DCC: variants seen among roughly 807,000 people sequenced by gnomAD.
DCC encodes DCC netrin 1 receptor.
In DCC, 58 loss-of-function variants were observed where a neutral mutation model predicts 172.5. The observed-to-expected ratio is 0.34, with a 90% CI of 0.27 to 0.42. DCC has a LOEUF of 0.42. Among genes scored for constraint, DCC ranks in the 10% least tolerant of loss-of-function variants. The pLI, the probability that DCC is intolerant of heterozygous loss-of-function variation, is 1.00. For missense variants in DCC, 1,740 were observed against 1,791.0 expected, an observed-to-expected ratio of 0.97 and a Z score of 0.51; for synonymous variants, 709 against 644.5, an observed-to-expected ratio of 1.10 and a Z score of -1.52.
At chr18:53,065,417 T>C (rs1223174805) in intron 6 of DCC, among the ~76,000 whole-genome samples, 2 of 152,184 alleles carry the variant, frequency 1.3e-5, no homozygotes, top group African/African-American at 4.8e-5. Flanking sequence ...AAGGAGTTAA[T>C]GTTGCTGTAT....
rs757787508 is a variant in DCC, at chr18:52,340,257, G to C, written c.-531G>C. 21 of 191,152 alleles carry C rather than the reference G, an allele frequency of 1.1e-4. No homozygotes were observed. The highest frequency in any genetic ancestry group is 2.1e-4 in the Non-Finnish European group (19 of 90,558). The allele number at this position is 191,152 out of a possible 1,614,324, so 11.8% of individuals were successfully genotyped here. Reference sequence around the variant, plus strand: ...AGCGCTCCACCCCGCAGTCCCCCCCGCCTCTCCTCCCTGGGTCCCCTCGGC... The same window carrying C: ...AGCGCTCCACCCCGCAGTCCCCCCCCCCTCTCCTCCCTGGGTCCCCTCGGC... On this transcript the variant is annotated 5_prime_UTR_variant, in exon 1 of 29. Transcript: ENST00000442544.
chr18:52,951,479 T>G (rs758440162), intron 5 of DCC, among the ~76,000 whole-genome samples: 3 of 152,044 alleles, frequency 2.0e-5, no homozygotes, highest in African/African-American at 7.3e-5. Flanking sequence ...TTCTCCTCCC[T>G]GTGTCCCTGT....
intron 1 of DCC, among the ~76,000 whole-genome samples, chr18:52,544,479 A>T (rs1470574736): frequency 1.3e-5 from 2 of 150,484 alleles, no homozygotes; most frequent in African/African-American, 4.9e-5. Context: ...ACCACAAGAC[A>T]TTCCTTCCCT....
At chr18:53,348,629 C>A (rs1037745740) in intron 15 of DCC, among the ~76,000 whole-genome samples, 4 of 152,180 alleles carry the variant, frequency 2.6e-5, no homozygotes, top group Admixed American at 2.0e-4. Context: ...CAGAGGTTCT[C>A]CACTGCCAGA....
chr18:53,132,878 C>A (rs1467958498), intron 7 of DCC, among the ~76,000 whole-genome samples: 1 of 152,146 alleles, frequency 6.6e-6, no homozygotes, highest in Non-Finnish European at 1.5e-5. Context: ...TGTGAGACTT[C>A]ATTTCCTTTA....
At chr18:52,520,326 A>G (rs1453452147) in intron 1 of DCC, among the ~76,000 whole-genome samples, 2 of 152,244 alleles carry the variant, frequency 1.3e-5, no homozygotes, top group Admixed American at 6.5e-5. Flanking sequence ...ACCCTGTAGC[A>G]TAAGTGGTTA....
At chr18:53,323,828 T>G (rs1239575964) in intron 14 of DCC, among the ~76,000 whole-genome samples, 1 of 151,858 alleles carries the variant, frequency 6.6e-6, no homozygotes, top group Non-Finnish European at 1.5e-5. Flanking sequence ...GAATAGTGAG[T>G]AAGGTAAATG....
intron 1 of DCC, among the ~76,000 whole-genome samples, chr18:52,652,345 C>T (rs2035149820): frequency 6.6e-6 from 1 of 152,114 alleles, no homozygotes; most frequent in African/African-American, 2.4e-5. Flanking sequence ...CGTCTCCCTC[C>T]AAGTGCAAAG....
intron 5 of DCC, among the ~76,000 whole-genome samples, chr18:52,935,409 G>A (rs1221074570): frequency 6.6e-6 from 1 of 151,914 alleles, no homozygotes; most frequent in African/African-American, 2.4e-5. Context: ...TGATGAAATT[G>A]TATTCTTTTT....
chr18:52,345,868 T>C (rs569273023), intron 1 of DCC, among the ~76,000 whole-genome samples: 7 of 152,224 alleles, frequency 4.6e-5, no homozygotes, highest in Non-Finnish European at 8.8e-5. Context: ...TCTCAGCCAA[T>C]ATTATTGAAG....
At chr18:53,054,655 G>A (rs913542692) in intron 5 of DCC, among the ~76,000 whole-genome samples, 1 of 152,096 alleles carries the variant, frequency 6.6e-6, no homozygotes, top group Non-Finnish European at 1.5e-5. Context: ...TACAGGAAGA[G>A]CTGGAACTAA....
chr18:52,817,021 G>A (rs2038313300), intron 2 of DCC: 1 of 151,982 alleles, frequency 6.6e-6, no homozygotes, highest in African/African-American at 2.4e-5. Context: ...TACACTTAAA[G>A]CACAGTATTC....
At chr18:53,271,322 T>C (rs1454704797) in intron 12 of DCC, among the ~76,000 whole-genome samples, 2 of 152,178 alleles carry the variant, frequency 1.3e-5, no homozygotes, top group Admixed American at 1.3e-4. Context: ...TATCTATTAT[T>C]GCATAAAAAA....
intron 12 of DCC, among the ~76,000 whole-genome samples, chr18:53,223,075 CT>C (rs2055968044): frequency 6.6e-6 from 1 of 151,880 alleles, no homozygotes; most frequent in South Asian, 2.1e-4. Context: ...TATTGAGAAC[CT>C]TCTGTGACAT....
intron 2 of DCC, among the ~76,000 whole-genome samples, chr18:52,894,153 G>C (rs1378007437): frequency 6.6e-6 from 1 of 152,008 alleles, no homozygotes; most frequent in East Asian, 1.9e-4. Flanking sequence ...GCTCTTTTCT[G>C]ATTATTGATT....
At chr18:52,657,087 A>G (rs753650122) in intron 1 of DCC, among the ~76,000 whole-genome samples, 1 of 152,198 alleles carries the variant, frequency 6.6e-6, no homozygotes, top group Non-Finnish European at 1.5e-5. Context: ...AATATACAAG[A>G]TTAAAGTGAG....
intron 1 of DCC, among the ~76,000 whole-genome samples, chr18:52,517,084 T>A (rs1008174956): frequency 6.6e-6 from 1 of 152,340 alleles, no homozygotes; most frequent in East Asian, 1.9e-4. Context: ...CTTAGGACTC[T>A]ACACTCATTT....
chr18:53,274,939 C>G (rs1479618757), intron 12 of DCC, among the ~76,000 whole-genome samples: 3 of 152,100 alleles, frequency 2.0e-5, no homozygotes, highest in Non-Finnish European at 4.4e-5. Flanking sequence ...GAGCCTCAGA[C>G]AGTTGCATTT....
chr18:52,966,617 T>C (rs753316759), intron 5 of DCC, among the ~76,000 whole-genome samples: 4 of 152,154 alleles, frequency 2.6e-5, no homozygotes, highest in Non-Finnish European at 4.4e-5. Flanking sequence ...GCAAGGATTC[T>C]TGGGGGCTTT....
Sources: gnomAD v4.1 joint callset for allele counts (sites outside exome capture counted in the v4.1 genomes callset) on GRCh38, gnomAD v4.1.1 for gene constraint, MANE v1.5 for transcripts, NCBI Gene and HGNC (gene_info 2026-07-23, HGNC 2026-07-21) for gene names.